SEMA3A: variants seen among roughly 807,000 people sequenced by gnomAD.
The protein encoded by SEMA3A is semaphorin-3A.
In SEMA3A, 29 loss-of-function variants were observed where a neutral mutation model predicts 97.9. The ratio of observed to expected loss-of-function variants is 0.30; its 90% CI spans 0.22 to 0.40. The LOEUF is 0.40. Among genes scored for constraint, SEMA3A ranks in the 10% least tolerant of loss-of-function variants. SEMA3A has a pLI of 1.00. For missense variants in SEMA3A, 763 were observed against 951.3 expected (o/e 0.80, Z 2.60); for synonymous variants, 321 against 323.7 (o/e 0.99, Z 0.09).
At chr7:84,324,963 C>T (rs1201360666) in intron 2 of SEMA3A, among the ~76,000 whole-genome samples, 4 of 151,936 alleles carry the variant, frequency 2.6e-5, no homozygotes, top group Non-Finnish European at 5.9e-5. Flanking sequence ...AAAGACCTTA[C>T]GTTCAAAAAG....
rs1206469800 is a variant in SEMA3A, at chr7:84,005,572, G to A, written c.1141-14C>T. The A allele has an allele frequency of 2.0e-6, 3 of 1,518,336 alleles. No individual in the cohort carries two copies. The highest frequency in any genetic ancestry group is 2.7e-6 in the Non-Finnish European group (3 of 1,099,504). 94.1% of individuals were successfully genotyped at this position (1,518,336 alleles called of 1,614,324 possible). On this transcript the variant is annotated splice_polypyrimidine_tract_variant and intron_variant, in intron 10 of 16. Coordinates refer to ENST00000265362, the MANE Select transcript of SEMA3A (RefSeq NM_006080.3). ...TTTGCTGGGACACTATTAAGATAAA[G>A]AGAAAATTATCTTTTGATTAAAATC... is the stretch of plus-strand genomic sequence containing the variant.
At chr7:84,056,514 C>T (rs1792982083) in intron 5 of SEMA3A, among the ~76,000 whole-genome samples, 1 of 151,876 alleles carries the variant, frequency 6.6e-6, no homozygotes, top group Admixed American at 6.6e-5. Flanking sequence ...AACACCAAGC[C>T]ATTATGTTGT....
intron 1 of SEMA3A, among the ~76,000 whole-genome samples, chr7:84,490,905 A>C (rs1351308611): frequency 6.6e-6 from 1 of 152,152 alleles, no homozygotes; most frequent in East Asian, 1.9e-4. Context: ...GTGAAATTAG[A>C]ATCTCTCCCT....
intron 6 of SEMA3A, among the ~76,000 whole-genome samples, chr7:84,026,722 T>C (rs778355270): frequency 1.3e-5 from 2 of 152,182 alleles, no homozygotes; most frequent in Non-Finnish European, 2.9e-5. Context: ...CCGGAGGCTC[T>C]TATCCTTAGC....
chr7:84,481,309 G>C lies in SEMA3A; in HGVS notation c.-246+11151C>G, dbSNP rs1024212405. Among the ~76,000 whole-genome samples, 6 of 152,104 alleles carry C rather than the reference G, an allele frequency of 3.9e-5. No individual in the cohort carries two copies. The South Asian group carries it at 1.0e-3, about 26-fold the overall frequency. On this transcript the variant is annotated intron_variant, in intron 1 of 3. Coordinates refer to the SEMA3A transcript ENST00000424555. Reference sequence around the variant, plus strand: ...ATTATTAATGGCTTCTGCTGCAAAGGGTGGGACTAAACCTAATTAAAAATG... The same window carrying C: ...ATTATTAATGGCTTCTGCTGCAAAGCGTGGGACTAAACCTAATTAAAAATG...
chr7:84,468,797 T>A (rs1806068609), intron 1 of SEMA3A, among the ~76,000 whole-genome samples: 1 of 151,984 alleles, frequency 6.6e-6, no homozygotes, highest in Non-Finnish European at 1.5e-5. Context: ...TAGATTTATA[T>A]CAAGAATAGT....
intron 1 of SEMA3A, among the ~76,000 whole-genome samples, chr7:84,391,477 AATAG>A (rs1250062633): frequency 3.3e-5 from 5 of 152,072 alleles, no homozygotes; most frequent in Non-Finnish European, 7.4e-5. Flanking sequence ...TGGGAAGGAA[AATAG>A]ATAGAAAAAT....
intron 1 of SEMA3A, among the ~76,000 whole-genome samples, chr7:84,387,143 G>A (rs761193453): frequency 6.6e-6 from 1 of 151,998 alleles, no homozygotes; most frequent in Non-Finnish European, 1.5e-5. Flanking sequence ...GCTTTAATTT[G>A]GAAATGCACA....
chr7:84,302,626 G>T (rs1236180394), intron 3 of SEMA3A, among the ~76,000 whole-genome samples: 1 of 151,998 alleles, frequency 6.6e-6, no homozygotes, highest in Non-Finnish European at 1.5e-5. Context: ...AGATTTTATT[G>T]GTAGAACGGG....
chr7:84,410,915 A>T (rs190205487), intron 1 of SEMA3A, among the ~76,000 whole-genome samples: 3 of 152,096 alleles, frequency 2.0e-5, no homozygotes, highest in Non-Finnish European at 2.9e-5. Flanking sequence ...CACAGTGACA[A>T]CTATTAGATA....
At chr7:84,102,127 T>A (rs565539019) in intron 4 of SEMA3A, among the ~76,000 whole-genome samples, 29 of 152,230 alleles carry the variant, frequency 1.9e-4, no homozygotes, top group Admixed American at 1.8e-3. Context: ...TAATGGAAAT[T>A]ACAAAAATGA....
At chr7:84,237,361 A>G (rs991279680) in intron 3 of SEMA3A, among the ~76,000 whole-genome samples, 23 of 152,130 alleles carry the variant, frequency 1.5e-4, no homozygotes, top group African/African-American at 5.1e-4. Flanking sequence ...TGTCTTACTC[A>G]AACTTACTAC....
chr7:84,342,825 C>A (rs548984819), intron 2 of SEMA3A, among the ~76,000 whole-genome samples: 2 of 152,134 alleles, frequency 1.3e-5, no homozygotes, highest in East Asian at 3.9e-4. Context: ...GGATTTTGTG[C>A]CAGGCCTTGA....
intron 1 of SEMA3A, among the ~76,000 whole-genome samples, chr7:84,469,502 T>C (rs773241108): frequency 3.5e-4 from 53 of 152,182 alleles, no homozygotes; most frequent in Non-Finnish European, 5.0e-4. Flanking sequence ...AAGCTTTGCA[T>C]CTGATACAAA....
chr7:83,961,876 T>G, intron 16 of SEMA3A, 50 bp from the exon 17 acceptor site: 1 of 1,382,354 alleles, frequency 7.2e-7, no homozygotes, highest in East Asian at 2.4e-5. Flanking sequence ...TTAAAAGAAA[T>G]AGAAGCTCTG....
At chr7:83,971,445 A>C (rs1788909489) in intron 15 of SEMA3A, among the ~76,000 whole-genome samples, 1 of 147,078 alleles carries the variant, frequency 6.8e-6, no homozygotes, top group African/African-American at 2.5e-5. Context: ...AAAAAAAAAA[A>C]ACCTAACAAA....
At chr7:83,982,501 AT>A in intron 13 of SEMA3A, among the ~76,000 whole-genome samples, 1 of 152,294 alleles carries the variant, frequency 6.6e-6, no homozygotes, top group Admixed American at 6.5e-5. Flanking sequence ...ATTTCTCCAC[AT>A]TTACTGTTAT....
At chr7:84,489,919 CT>C (rs1400674082) in intron 1 of SEMA3A, among the ~76,000 whole-genome samples, 4 of 151,862 alleles carry the variant, frequency 2.6e-5, no homozygotes, top group Non-Finnish European at 5.9e-5. Context: ...AAATTTTCCT[CT>C]AAGCATATAG....
intron 1 of SEMA3A, among the ~76,000 whole-genome samples, chr7:84,175,563 C>T (rs1170899957): frequency 6.6e-6 from 1 of 152,164 alleles, no homozygotes; most frequent in African/African-American, 2.4e-5. Flanking sequence ...TAGTCTGTAT[C>T]ATTTAAGACA....
Sources: allele counts gnomAD v4.1 joint callset (sites outside exome capture counted in the v4.1 genomes callset), GRCh38; gene constraint gnomAD v4.1.1; transcripts MANE v1.5; gene names NCBI Gene and HGNC (gene_info 2026-07-23, HGNC 2026-07-21).